The following TTC27 variants were observed in gnomAD, a reference collection of about 807,000 sequenced individuals.
TTC27 encodes tetratricopeptide repeat protein 27.
A neutral mutation model predicts 115.9 loss-of-function variants in TTC27; 79 were observed. The ratio of observed to expected loss-of-function variants is 0.68; its 90% CI spans 0.57 to 0.82. TTC27 has a LOEUF of 0.82. Ranked by LOEUF, TTC27 falls within the 40% of genes least tolerant of loss-of-function variation. TTC27 has a pLI of 0.00. For missense variants in TTC27, 1,054 were observed against 993.1 expected (o/e 1.06, Z -0.82); for synonymous variants, 401 against 356.0 (o/e 1.13, Z -1.42).
chr2:32,637,127 T>G (rs1664457608), intron 3 of TTC27, among the ~76,000 whole-genome samples: 1 of 152,216 alleles, frequency 6.6e-6, no homozygotes, highest in Non-Finnish European at 1.5e-5. Flanking sequence ...ACTCACAACC[T>G]AGCTTGAGTG....
chr2:32,711,294 A>G (rs1275005132), intron 10 of TTC27, among the ~76,000 whole-genome samples: 1 of 152,184 alleles, frequency 6.6e-6, no homozygotes, highest in East Asian at 1.9e-4. Context: ...AGAATTAGAC[A>G]GTTACTTCTG....
rs1440969800 is a variant in TTC27 at position 32,793,046 on chromosome 2, T to G, written c.1998+5897T>G. ...AACATAAGTTCTACTATTACCTAAATGAAATCAAGATGTGGGTAAGGGATT... is the reference window on the plus strand; with the variant it reads ...AACATAAGTTCTACTATTACCTAAAGGAAATCAAGATGTGGGTAAGGGATT... On this transcript the variant is annotated intron_variant, in intron 16 of 19. Coordinates refer to ENST00000317907, the MANE Select transcript of TTC27 (RefSeq NM_017735.5). Among the ~76,000 whole-genome samples the G allele has an allele frequency of 5.3e-5, 8 of 152,144 alleles. No individual in the cohort carries two copies. The East Asian group carries it at 1.5e-3, about 29-fold the overall frequency.
At chr2:32,789,437 G>T (rs1236633619) in intron 16 of TTC27, among the ~76,000 whole-genome samples, 1 of 152,158 alleles carries the variant, frequency 6.6e-6, no homozygotes, top group East Asian at 1.9e-4. Context: ...CTGTAAATGT[G>T]TAGGGAGAGA....
At chr2:32,815,820 T>C (rs1273103171) in intron 18 of TTC27, among the ~76,000 whole-genome samples, 1 of 152,168 alleles carries the variant, frequency 6.6e-6, no homozygotes, top group East Asian at 1.9e-4. Context: ...CTTTTGAAAA[T>C]GGGCTTAACA....
At chr2:32,794,635 T>C (rs1380110719) in intron 16 of TTC27, among the ~76,000 whole-genome samples, 1 of 151,114 alleles carries the variant, frequency 6.6e-6, no homozygotes, top group Non-Finnish European at 1.5e-5. Context: ...TAAAGAAAAA[T>C]CAATGAAACT....
intron 9 of TTC27, among the ~76,000 whole-genome samples, chr2:32,692,757 A>G (rs949069441): frequency 6.6e-6 from 1 of 152,244 alleles, no homozygotes; most frequent in Admixed American, 6.5e-5. Flanking sequence ...AGATCACTTG[A>G]GGTCAGGAAT....
At chr2:32,710,226 A>G (rs748679281) in intron 10 of TTC27, among the ~76,000 whole-genome samples, 2 of 151,916 alleles carry the variant, frequency 1.3e-5, no homozygotes, top group Non-Finnish European at 2.9e-5. Context: ...TGGTCAGGCT[A>G]GTTTTGGCCT....
intron 5 of TTC27, 40 bp downstream of exon 5, chr2:32,650,273 A>C (rs749376526): frequency 6.7e-7 from 1 of 1,485,854 alleles, no homozygotes; most frequent in African/African-American, 1.4e-5. Flanking sequence ...CATGTAGCTC[A>C]GTTCTAATTA....
chr2:32,782,795 T>A (rs1670224982), intron 15 of TTC27, 117 bp downstream of exon 15: 2 of 699,308 alleles, frequency 2.9e-6, no homozygotes, highest in Middle Eastern at 3.9e-4. Context: ...CCCATGTATA[T>A]GAAATAGAAT....
rs149423358 is a variant in TTC27, at chr2:32,756,861, A to G, written c.1453-1431A>G. On this transcript the variant is annotated intron_variant, in intron 12 of 19. Transcript: ENST00000317907. Reference sequence around the variant, plus strand: ...GAGCTACTACTGTGCTTCTTGGTCTATGTTGAAGTTTATCAGAAATGGGAT... The same window carrying G: ...GAGCTACTACTGTGCTTCTTGGTCTGTGTTGAAGTTTATCAGAAATGGGAT... Among the ~76,000 whole-genome samples, 41 of 152,302 alleles carry G rather than the reference A, an allele frequency of 2.7e-4. No individual in the cohort carries two copies. The South Asian group carries it at 5.4e-3, about 20-fold the overall frequency.
At chr2:32,736,999 T>C (rs2273661) in intron 12 of TTC27, among the ~76,000 whole-genome samples, 183 bp downstream of exon 12, 62,716 of 152,094 alleles carry the variant, frequency 0.41, 13,156 homozygotes, top group Non-Finnish European at 0.44. Context: ...TACAAAATTT[T>C]TAAGAAAGAC....
chr2:32,649,839 C>A (rs1013509756), intron 4 of TTC27, among the ~76,000 whole-genome samples: 4 of 151,788 alleles, frequency 2.6e-5, no homozygotes, highest in African/African-American at 7.3e-5. Context: ...CCATCGCACC[C>A]GGCCACAACA....
At chr2:32,819,863 G>A (rs7580172) in intron 19 of TTC27, among the ~76,000 whole-genome samples, 1 of 152,062 alleles carries the variant, frequency 6.6e-6, no homozygotes, top group African/African-American at 2.4e-5. Context: ...CAGTTTCTCC[G>A]TGCTTCCTCC....
At chr2:32,666,520 G>T in intron 6 of TTC27, 115 bp from the exon 7 acceptor site, 1 of 1,125,276 alleles carries the variant, frequency 8.9e-7, no homozygotes, top group Non-Finnish European at 1.2e-6. Context: ...ACTTTCTTAT[G>T]TGAAATGGAG....
At chr2:32,810,961 C>A in intron 16 of TTC27, 63 bp from the exon 17 acceptor site, 1 of 1,530,064 alleles carries the variant, frequency 6.5e-7, no homozygotes, top group Non-Finnish European at 9.0e-7. Context: ...GGTGAGATAG[C>A]TCTTTGTTTT....
At chr2:32,695,687 C>T (rs1312081825) in intron 9 of TTC27, among the ~76,000 whole-genome samples, 2 of 144,544 alleles carry the variant, frequency 1.4e-5, no homozygotes, top group Non-Finnish European at 3.0e-5. Flanking sequence ...CCACCACACT[C>T]CAGCCTGGGT....
At chr2:32,798,474 C>T (rs1276599570) in intron 16 of TTC27, among the ~76,000 whole-genome samples, 6 of 151,672 alleles carry the variant, frequency 4.0e-5, no homozygotes, top group Non-Finnish European at 8.8e-5. Flanking sequence ...GAGGCCGAGG[C>T]GGGCGGATCA....
chr2:32,712,236 A>G (rs185110823), intron 10 of TTC27, among the ~76,000 whole-genome samples: 1 of 152,330 alleles, frequency 6.6e-6, no homozygotes, highest in African/African-American at 2.4e-5. Context: ...AGGTAAATAA[A>G]TCATGATTAT....
intron 12 of TTC27, among the ~76,000 whole-genome samples, chr2:32,745,284 T>A (rs888100797): frequency 6.6e-6 from 1 of 152,148 alleles, no homozygotes; most frequent in Admixed American, 6.5e-5. Context: ...GGGGCTCAGA[T>A]GATATCATCA....
Sources: gnomAD v4.1 joint callset for allele counts (sites outside exome capture counted in the v4.1 genomes callset) on GRCh38, gnomAD v4.1.1 for gene constraint, MANE v1.5 for transcripts, NCBI Gene and HGNC (gene_info 2026-07-23, HGNC 2026-07-21) for gene names.